Variants in PTPRT observed in about 807,000 individuals in gnomAD.
The protein encoded by PTPRT is receptor-type tyrosine-protein phosphatase T.
PTPRT carries 56 observed loss-of-function variants against 176.8 expected under a neutral mutation model. The ratio of observed to expected loss-of-function variants is 0.32; its 90% confidence interval spans 0.26 to 0.40. PTPRT has a LOEUF of 0.40. Among genes scored for constraint, PTPRT ranks in the 10% least tolerant of loss-of-function variants. The probability of loss-of-function intolerance (pLI) is 1.00; values close to 1 mark genes in which losing one functional copy is unlikely to be tolerated. For synonymous variants in PTPRT, 783 were observed against 739.0 expected, an observed-to-expected ratio of 1.06 and a Z score of -0.96; for missense variants, 1,540 against 1,908.2, an observed-to-expected ratio of 0.81 and a Z score of 3.60.
At chr20:42,555,223 T>C (rs919245801) in intron 7 of PTPRT, among the ~76,000 whole-genome samples, 1 of 152,182 alleles carries the variant, frequency 6.6e-6, no homozygotes, top group Non-Finnish European at 1.5e-5. Context: ...GAGAGGCACT[T>C]GGTACATCAT....
intron 9 of PTPRT, among the ~76,000 whole-genome samples, chr20:42,409,190 G>A (rs1241871793): frequency 3.3e-5 from 5 of 152,008 alleles, no homozygotes; most frequent in Admixed American, 1.3e-4. Context: ...CAAATTGAAG[G>A]TATTATTTGT....
chr20:42,290,362 C>G (rs79155242), intron 12 of PTPRT, among the ~76,000 whole-genome samples: 1 of 152,042 alleles, frequency 6.6e-6, no homozygotes, highest in African/African-American at 2.4e-5. Flanking sequence ...ACACCGTGTC[C>G]TTACTGTTGT....
In PTPRT at chr20:42,704,386, T is replaced by A. The variant is rs144584672; in HGVS notation, c.860-26227A>T. On this transcript the variant is annotated intron_variant, in intron 6 of 30. Coordinates refer to ENST00000373187, the MANE Select transcript of PTPRT (RefSeq NM_007050.6). ...AAGTCATAAACCCAACTTGTTCAAC[T>A]ATGGGTGTGTTCCTAATGGTCTTTA... Among the ~76,000 whole-genome samples the A allele has an allele frequency of 2.9e-3, 442 of 151,192 alleles. 4 individuals carry two copies. Among genetic ancestry groups the A allele is most frequent in the Middle Eastern group, 0.017 (5 of 290 alleles).
chr20:42,915,123 T>C (rs767531434), intron 1 of PTPRT, among the ~76,000 whole-genome samples: 25 of 152,330 alleles, frequency 1.6e-4, no homozygotes, highest in Non-Finnish European at 3.5e-4. Context: ...GCTAATGTCG[T>C]TGTTAATGTT....
chr20:42,890,266 T>A (rs1196643175), intron 1 of PTPRT, among the ~76,000 whole-genome samples: 1 of 152,168 alleles, frequency 6.6e-6, no homozygotes, highest in Non-Finnish European at 1.5e-5. Flanking sequence ...TAAGAACTAT[T>A]CAGGGGAGAT....
intron 1 of PTPRT, among the ~76,000 whole-genome samples, chr20:43,140,709 G>A (rs1386109414): frequency 6.6e-6 from 1 of 152,084 alleles, no homozygotes; most frequent in African/African-American, 2.4e-5. Context: ...CCCCCATTCA[G>A]TGTTTCAGAT....
At chr20:43,138,063 C>T (rs1033371823) in intron 1 of PTPRT, among the ~76,000 whole-genome samples, 2 of 152,150 alleles carry the variant, frequency 1.3e-5, no homozygotes, top group Non-Finnish European at 2.9e-5. Context: ...CAAAGCTGAC[C>T]TCTGTTGTGA....
In PTPRT at chr20:42,352,276, T is replaced by C. The variant is rs757040363; in HGVS notation, c.1570A>G (p.Lys524Glu). Residue 524 changes from lysine (K) to glutamate (E), a missense_variant, in exon 10 of 31, where the codon AAG becomes GAG. Transcript: ENST00000373187. ...CTTGGGTCCAGCGAGCCGACAGCCTTGTAGTTGATCTGTAGGACAAGCCAG... is the reference window on the plus strand; with the variant it reads ...CTTGGGTCCAGCGAGCCGACAGCCTCGTAGTTGATCTGTAGGACAAGCCAG... ...GVITLYEINY[K>E]AVGSLDPSAD... 3.1e-6 allele frequency: 5 copies of C among 1,614,156 alleles called. No individual in the cohort carries two copies. Among genetic ancestry groups the C allele is most frequent in the Non-Finnish European group, 4.2e-6 (5 of 1,180,022 alleles).
intron 1 of PTPRT, among the ~76,000 whole-genome samples, chr20:43,111,141 G>A (rs2012841897): frequency 6.6e-6 from 1 of 152,158 alleles, no homozygotes; most frequent in South Asian, 2.1e-4. Flanking sequence ...GGTGCAGGTT[G>A]GCAGGCACCT....
chr20:42,219,858 T>G (rs2055845722), intron 15 of PTPRT, among the ~76,000 whole-genome samples: 1 of 152,092 alleles, frequency 6.6e-6, no homozygotes, highest in Non-Finnish European at 1.5e-5. Flanking sequence ...AGCCTGGCTT[T>G]TAGAGCAATA....
intron 13 of PTPRT, among the ~76,000 whole-genome samples, chr20:42,265,925 T>C (rs1194334100): frequency 6.6e-6 from 1 of 152,186 alleles, no homozygotes; most frequent in Non-Finnish European, 1.5e-5. Context: ...AGAGAGTGTA[T>C]GATGACCTGA....
In PTPRT at chr20:42,493,648, G is replaced by A. The variant is rs184700671; in HGVS notation, c.1154-21086C>T. 4.3e-3 allele frequency among the ~76,000 whole-genome samples: 649 copies of A among 152,152 alleles called. 2 individuals carry two copies. The highest frequency in any genetic ancestry group is 0.01 in the Middle Eastern group (3 of 294). ...ACTTTGATCTTCCACACTGAACCGG[G>A]GACTTTATAGATGACATTTCACGTA... On this transcript the variant is annotated intron_variant, in intron 7 of 30. Transcript: ENST00000373187.
At chr20:43,174,082 C>G (rs775084813) in intron 1 of PTPRT, among the ~76,000 whole-genome samples, 5 of 152,176 alleles carry the variant, frequency 3.3e-5, no homozygotes, top group Non-Finnish European at 1.5e-5. Flanking sequence ...AAATTCTGAA[C>G]AAAGGCTTTC....
chr20:42,340,094 A>G lies in PTPRT; in HGVS notation c.1865+10534T>C. Reference sequence around the variant, plus strand: ...TTCTGTCATGATGGAAATGCCGTCCAGTATGTCAGCCACTAGCTACTTGTG... The same window carrying G: ...TTCTGTCATGATGGAAATGCCGTCCGGTATGTCAGCCACTAGCTACTTGTG... On this transcript the variant is annotated intron_variant, in intron 11 of 30. Coordinates refer to ENST00000373187, the MANE Select transcript of PTPRT (RefSeq NM_007050.6). 1.3e-5 allele frequency among the ~76,000 whole-genome samples: 2 copies of G among 152,228 alleles called. 1 individual carries two copies. Among genetic ancestry groups the G allele is most frequent in the Admixed American group, 1.3e-4 (2 of 15,286 alleles).
chr20:42,663,816 C>T (rs1305028070), intron 7 of PTPRT, among the ~76,000 whole-genome samples: 1 of 152,148 alleles, frequency 6.6e-6, no homozygotes, highest in Non-Finnish European at 1.5e-5. Flanking sequence ...TGTAACAATA[C>T]TAGCATAGAA....
chr20:43,022,812 C>T (rs531182270), intron 1 of PTPRT, among the ~76,000 whole-genome samples: 3 of 152,176 alleles, frequency 2.0e-5, no homozygotes, highest in Non-Finnish European at 4.4e-5. Flanking sequence ...TGCCAGGCAG[C>T]CTTCAGCAGC....
In PTPRT at chr20:42,923,985, C is replaced by G. The variant is rs79560056; in HGVS notation, c.89-38053G>C. 6.6e-5 allele frequency among the ~76,000 whole-genome samples: 10 copies of G among 152,302 alleles called. No homozygotes were observed. In the East Asian group the frequency reaches 1.9e-3, roughly 29 times the overall value. On this transcript the variant is annotated intron_variant, in intron 1 of 30. Coordinates refer to ENST00000373187, the MANE Select transcript of PTPRT (RefSeq NM_007050.6). The stretch of plus-strand genomic sequence containing the variant: ...TCAGCCTCCCCAGTAGCTGGGATTA[C>G]AGGCATGTGCCACCATGCCTGGCTA...
At chr20:42,979,548 A>G (rs1324470439) in intron 1 of PTPRT, among the ~76,000 whole-genome samples, 1 of 152,160 alleles carries the variant, frequency 6.6e-6, no homozygotes, top group Non-Finnish European at 1.5e-5. Context: ...GTGAAATGTC[A>G]AACAACTGAA....
chr20:42,122,922 G>T (rs1211836620), intron 19 of PTPRT, among the ~76,000 whole-genome samples: 1 of 152,180 alleles, frequency 6.6e-6, no homozygotes, highest in African/African-American at 2.4e-5. Flanking sequence ...TCACCAAGCT[G>T]CTCTTGAAAT....
Sources: gnomAD v4.1 joint callset for allele counts (sites outside exome capture counted in the v4.1 genomes callset) on GRCh38, gnomAD v4.1.1 for gene constraint, MANE v1.5 for transcripts, NCBI Gene and HGNC (gene_info 2026-07-23, HGNC 2026-07-21) for gene names.